SPRYD3: variants seen among roughly 807,000 people sequenced by gnomAD.
The protein encoded by SPRYD3 is SPRY domain containing 3.
Under a neutral mutation model 50.1 loss-of-function variants are expected in SPRYD3, and 17 were observed. That is an observed-to-expected ratio of 0.34 (90% CI 0.23 to 0.51). The LOEUF (loss-of-function observed/expected upper bound fraction) is 0.51, where lower values mean the gene tolerates loss of function less well. Ranked by LOEUF, SPRYD3 falls within the 20% of genes least tolerant of loss-of-function variation. The pLI, the probability that SPRYD3 is intolerant of heterozygous loss-of-function variation, is 0.97. For missense variants in SPRYD3, 401 were observed against 591.2 expected (o/e 0.68, Z 3.34); for synonymous variants, 198 against 215.5 (o/e 0.92, Z 0.71).
Position 53,065,778 on chromosome 12 carries a change from G to A in SPRYD3, c.*54C>T, listed in dbSNP as rs1565616186. The A allele has an allele frequency of 1.3e-6, 2 of 1,571,294 alleles. No individual in the cohort carries two copies. Among genetic ancestry groups the A allele is most frequent in the Admixed American group, 1.8e-5 (1 of 56,666 alleles). ...GCCTCTGGGAAGTCAGGAACTGGGT[G>A]CCTGGCCCAGCAGAGGGTGAGCAGG... On this transcript the variant is annotated 3_prime_UTR_variant, in exon 11 of 11. Coordinates refer to ENST00000301463, the MANE Select transcript of SPRYD3 (RefSeq NM_032840.3).
Position 53,068,154 on chromosome 12 carries a change from C to T in SPRYD3, c.843+1G>A. 1.2e-6 allele frequency: 2 copies of T among 1,614,228 alleles called. No homozygotes were observed. Among genetic ancestry groups the T allele is most frequent in the South Asian group, 1.1e-5 (1 of 91,088 alleles). ...CAAAAAAGCTCAGCCTTTGTGCCCA[C>T]CTTCCGTGCCAGCCCCAGGGCGATG... On this transcript the variant is annotated splice_donor_variant, in intron 7 of 10. Coordinates refer to ENST00000301463, the MANE Select transcript of SPRYD3 (RefSeq NM_032840.3). LOFTEE classifies it high-confidence loss of function.
chr12:53,072,521 G>C (rs1173121388), intron 6 of SPRYD3, among the ~76,000 whole-genome samples: 2 of 152,230 alleles, frequency 1.3e-5, no homozygotes, highest in African/African-American at 4.8e-5. Context: ...GCCCACTAGA[G>C]GTCAGGGCCA....
intron 7 of SPRYD3, among the ~76,000 whole-genome samples, 170 bp downstream of exon 7, chr12:53,067,985 G>A (rs1944522191): frequency 6.6e-6 from 1 of 152,068 alleles, no homozygotes; most frequent in Non-Finnish European, 1.5e-5. Flanking sequence ...GGTCACATGG[G>A]GTGTGTACTC....
chr12:53,073,630 G>C (rs945907607), intron 5 of SPRYD3, among the ~76,000 whole-genome samples, 159 bp from the exon 6 acceptor site: 2 of 151,864 alleles, frequency 1.3e-5, no homozygotes, highest in African/African-American at 2.4e-5. Context: ...GGATCACAAG[G>C]TCAGGAGATT....
At chr12:53,067,792 C>G in intron 7 of SPRYD3, 87 bp from the exon 8 acceptor site, 2 of 1,258,122 alleles carry the variant, frequency 1.6e-6, no homozygotes, top group African/African-American at 1.5e-5. Flanking sequence ...ACCTCTGGGA[C>G]AGACCACAGC....
At chr12:53,069,033 G>T (rs972767680) in intron 6 of SPRYD3, among the ~76,000 whole-genome samples, 2 of 152,142 alleles carry the variant, frequency 1.3e-5, no homozygotes, top group African/African-American at 4.8e-5. Context: ...TCAAGTTGGA[G>T]TAGGGGCGTG....
intron 6 of SPRYD3, among the ~76,000 whole-genome samples, chr12:53,069,928 T>A (rs928814343): frequency 2.6e-5 from 4 of 152,120 alleles, no homozygotes; most frequent in Admixed American, 2.6e-4. Flanking sequence ...AACACAGTGT[T>A]CTCCATTTCC....
intron 6 of SPRYD3, among the ~76,000 whole-genome samples, chr12:53,070,599 C>T (rs968827407): frequency 6.6e-6 from 1 of 152,206 alleles, no homozygotes; most frequent in Admixed American, 6.5e-5. Flanking sequence ...GTTTCTTCAA[C>T]AGTAAACTGG....
intron 1 of SPRYD3, 40 bp downstream of exon 1, chr12:53,079,271 A>T (rs1393878898): frequency 6.3e-7 from 1 of 1,586,756 alleles, no homozygotes; most frequent in Middle Eastern, 1.7e-4. Flanking sequence ...CTCCGGGGAG[A>T]TACGAGGCCT....
At position 53,074,365 on chromosome 12, in the gene SPRYD3, A is replaced by C. The variant is rs1325887683; in HGVS notation, c.507+284T>G. 6.6e-6 allele frequency among the ~76,000 whole-genome samples: 1 copy of C among 152,090 alleles called. No homozygotes were observed. The highest frequency in any genetic ancestry group is 1.5e-5 in the Non-Finnish European group (1 of 68,000). Reference sequence around the variant, plus strand: ...TTTATCTGCTCAAAACCTTCCCCCAAATCACCCAATTCTGTTCCCCACAAT... The same window carrying C: ...TTTATCTGCTCAAAACCTTCCCCCACATCACCCAATTCTGTTCCCCACAAT... On this transcript the variant is annotated intron_variant, in intron 5 of 10. Transcript: ENST00000301463. The surrounding 1 kb of genome is among the most constrained non-coding windows in gnomAD (Gnocchi z 4.6).
In SPRYD3 at chr12:53,079,378, A is replaced by G. The variant is rs1469417456; in HGVS notation, c.-45T>C. On this transcript the variant is annotated 5_prime_UTR_variant, in exon 1 of 11. Coordinates refer to ENST00000301463, the MANE Select transcript of SPRYD3 (RefSeq NM_032840.3). ...GCACACAAGCTCTTCGGCCGCCGCC[A>G]CCACACACATCCGGGTCCCCGCCTT... 3 of 1,591,514 alleles carry G rather than the reference A, an allele frequency of 1.9e-6. No homozygotes were observed. In the African/African-American group the frequency reaches 4.1e-5, roughly 22 times the overall value.
rs187648286 is a variant in SPRYD3 at position 53,068,586 on chromosome 12, C to T, written c.694-282G>A. ...GGGGAAAGCAGCACAGCTAGGGGAG[C>T]GGCACACCAGGGGGCTCTAGATGCA... On this transcript the variant is annotated intron_variant, in intron 6 of 10. Transcript: ENST00000301463. Among the ~76,000 whole-genome samples the T allele has an allele frequency of 4.6e-5, 7 of 152,238 alleles. No homozygotes were observed. In the East Asian group the frequency reaches 5.8e-4, roughly 13 times the overall value.
intron 6 of SPRYD3, among the ~76,000 whole-genome samples, chr12:53,069,134 A>T (rs1397466998): frequency 6.6e-6 from 1 of 152,108 alleles, no homozygotes; most frequent in Non-Finnish European, 1.5e-5. Context: ...GCAACCCCCA[A>T]TCTGGGAGGA....
intron 6 of SPRYD3, among the ~76,000 whole-genome samples, chr12:53,069,471 C>T (rs966180880): frequency 1.5e-4 from 22 of 143,992 alleles, no homozygotes; most frequent in African/African-American, 5.6e-4. Flanking sequence ...CATCCCCACT[C>T]CCAGCCTCAG....
chr12:53,067,616 A>T, intron 8 of SPRYD3, 32 bp downstream of exon 8: 1 of 1,609,756 alleles, frequency 6.2e-7, no homozygotes, highest in Non-Finnish European at 8.5e-7. Context: ...ATCTCCCACC[A>T]TCCCACCTTT....
At chr12:53,068,120 C>T in intron 7 of SPRYD3, 35 bp downstream of exon 7, 4 of 1,613,418 alleles carry the variant, frequency 2.5e-6, no homozygotes, top group Non-Finnish European at 3.4e-6. Context: ...ACCTGAGCAG[C>T]TCCATGAGCA....
Position 53,074,986 on chromosome 12 carries a change from G to C in SPRYD3, c.371+109C>G, listed in dbSNP as rs11170396. 1 of 1,496,096 alleles carries C rather than the reference G, an allele frequency of 6.7e-7. No individual in the cohort carries two copies. Among genetic ancestry groups the C allele is most frequent in the Non-Finnish European group, 9.2e-7 (1 of 1,085,662 alleles). The allele number at this position is 1,496,096 out of a possible 1,614,324, so 92.7% of individuals were successfully genotyped here. A position where few individuals can be genotyped will look rare whatever the true frequency, so the allele number is the denominator to read the frequency against. On this transcript the variant is annotated intron_variant, in intron 4 of 10. Coordinates refer to ENST00000301463, the MANE Select transcript of SPRYD3 (RefSeq NM_032840.3). The surrounding 1 kb of genome is among the most constrained non-coding windows in gnomAD (Gnocchi z 4.6). ...CCAGGCCACTTCCCTGTCCTGACCA[G>C]AAAAGTCTATGAAACACCCAATGGG...
Position 53,066,665 on chromosome 12 carries a change from C to T in SPRYD3, c.929G>A (p.Gly310Asp), listed in dbSNP as rs1354537170. 6.2e-7 allele frequency: 1 copy of T among 1,612,922 alleles called. No homozygotes were observed. Among genetic ancestry groups the T allele is most frequent in the Non-Finnish European group, 8.5e-7 (1 of 1,179,322 alleles). The change falls in exon 9 of 11, where the codon GGT becomes GAT. Residue 310 changes from glycine to aspartate, a missense_variant. By Grantham distance (94) the Gly-to-Asp change is moderately conservative (BLOSUM62 -1). Coordinates refer to ENST00000301463, the MANE Select transcript of SPRYD3 (RefSeq NM_032840.3). ...ADDGKIFHGS[G>D]VGDPFGPRCY... ...GCGTGGCCCAAAGGGGTCCCCCACA[C>T]CACTGCCATGGAAGATCTTCCCATC... is the stretch of plus-strand genomic sequence containing the variant.
rs1944494294 is a variant in SPRYD3, at chr12:53,065,344, T to G, written c.*488A>C. On this transcript the variant is annotated 3_prime_UTR_variant, in exon 11 of 11. Transcript: ENST00000301463. ...TGACCAAAGAGAGGTCCCCTGGCCC[T>G]GCCAGGGGTATGACAGCAGCAACTG... 6.5e-6 allele frequency: 1 copy of G among 153,412 alleles called. No individual in the cohort carries two copies. Among genetic ancestry groups the G allele is most frequent in the African/African-American group, 2.4e-5 (1 of 41,434 alleles). The allele number at this position is 153,412 out of a possible 1,614,324, so 9.5% of individuals were successfully genotyped here. A position where few individuals can be genotyped will look rare whatever the true frequency, so the allele number is the denominator to read the frequency against.
Sources: allele counts gnomAD v4.1 joint callset (sites outside exome capture counted in the v4.1 genomes callset), GRCh38; gene constraint gnomAD v4.1.1; non-coding constraint Gnocchi (gnomAD v3.1); transcripts MANE v1.5; gene names NCBI Gene and HGNC (gene_info 2026-07-23, HGNC 2026-07-21).